NSMAF: variants seen among roughly 807,000 people sequenced by gnomAD.
NSMAF encodes the protein protein FAN.
NSMAF carries 90 observed loss-of-function variants against 134.9 expected under a neutral mutation model. That is an observed-to-expected ratio of 0.67 (90% CI 0.56 to 0.79). The LOEUF is 0.79. Ranked by LOEUF, NSMAF falls within the 30% of genes least tolerant of loss-of-function variation. The pLI is 0.00. For synonymous variants in NSMAF, 358 were observed against 389.6 expected (o/e 0.92, Z 0.96); for missense variants, 1,010 against 1,119.0 (o/e 0.90, Z 1.39).
At chr8:58,658,736 C>CTA (rs1176471371) in intron 1 of NSMAF, among the ~76,000 whole-genome samples, 6 of 152,176 alleles carry the variant, frequency 3.9e-5, no homozygotes, top group Non-Finnish European at 7.3e-5. Flanking sequence ...GCCCTGGGAA[C>CTA]TATACATAGA....
Position 58,589,572 on chromosome 8 carries a change from A to T in NSMAF, c.2091T>A (p.Tyr697Ter), listed in dbSNP as rs1805978276. The change falls in exon 26 of 31, where the codon TAT becomes TAA. Residue 697 changes from tyrosine (Y) to a stop codon, truncating the protein, a stop_gained. Coordinates refer to ENST00000038176, the MANE Select transcript of NSMAF (RefSeq NM_003580.4). LOFTEE classifies it high-confidence loss of function. ...GTCTTCCAAATGCTATGGAATAAAA[A>T]TAGCTAAAAGATAATGAGAAGCATT... ...VITSSWDNNV[Y>*]FYSIAFGRRQ... is the part of the protein sequence containing the mutation. The T allele has an allele frequency of 6.4e-7, 1 of 1,566,790 alleles. No homozygotes were observed. Among genetic ancestry groups the T allele is most frequent in the Non-Finnish European group, 8.6e-7 (1 of 1,166,542 alleles).
chr8:58,602,562 G>A (rs1806308808), intron 13 of NSMAF, among the ~76,000 whole-genome samples: 2 of 151,968 alleles, frequency 1.3e-5, no homozygotes, highest in African/African-American at 4.8e-5. Context: ...TATTTTCAGA[G>A]AAATACTTTA....
chr8:58,658,619 T>C (rs754908683), intron 1 of NSMAF, among the ~76,000 whole-genome samples: 6 of 152,210 alleles, frequency 3.9e-5, no homozygotes, highest in Non-Finnish European at 7.3e-5. Context: ...CACTGGAAGA[T>C]CTGTGGCTCT....
chr8:58,617,323 A>G (rs1282770869), intron 9 of NSMAF, among the ~76,000 whole-genome samples: 1 of 152,238 alleles, frequency 6.6e-6, no homozygotes, highest in African/African-American at 2.4e-5. Context: ...ATCTAATTAA[A>G]CTAAAGAACT....
At chr8:58,595,041 A>T (rs1229976832) in intron 22 of NSMAF, among the ~76,000 whole-genome samples, 1 of 152,214 alleles carries the variant, frequency 6.6e-6, no homozygotes, top group African/African-American at 2.4e-5. Flanking sequence ...TGAAGGTCTT[A>T]ATGAGAGAGG....
intron 9 of NSMAF, among the ~76,000 whole-genome samples, chr8:58,613,204 CA>C (rs1806569375): frequency 6.6e-6 from 1 of 151,962 alleles, no homozygotes; most frequent in South Asian, 2.1e-4. Context: ...AATTTCTATG[CA>C]AACACATATA....
At chr8:58,601,966 C>T in intron 14 of NSMAF, 92 bp downstream of exon 14, 1 of 985,392 alleles carries the variant, frequency 1.0e-6, no homozygotes, top group South Asian at 1.5e-5. Flanking sequence ...TATAATTCCC[C>T]TAAGCCTTGG....
intron 1 of NSMAF, among the ~76,000 whole-genome samples, chr8:58,654,131 G>C (rs897495015): frequency 6.6e-6 from 1 of 152,178 alleles, no homozygotes; most frequent in African/African-American, 2.4e-5. Flanking sequence ...TATCTCCACT[G>C]ATCTCCAGTT....
rs185477598 is a variant in NSMAF at position 58,632,481 on chromosome 8, T to C, written c.334-935A>G. On this transcript the variant is annotated intron_variant, in intron 5 of 30. Coordinates refer to ENST00000038176, the MANE Select transcript of NSMAF (RefSeq NM_003580.4). Reference sequence around the variant, plus strand: ...CAGAGCATGTGACAGAGCTGATGGCTCTTCCTGAAGCAGTTTTCCACATGG... The same window carrying C: ...CAGAGCATGTGACAGAGCTGATGGCCCTTCCTGAAGCAGTTTTCCACATGG... Among the ~76,000 whole-genome samples the C allele has an allele frequency of 2.7e-3, 415 of 152,308 alleles. 3 individuals carry two copies. The highest frequency in any genetic ancestry group is 0.014 in the South Asian group (69 of 4,828).
chr8:58,658,450 C>A (rs371268589), intron 1 of NSMAF, among the ~76,000 whole-genome samples: 7 of 152,284 alleles, frequency 4.6e-5, no homozygotes, highest in Non-Finnish European at 8.8e-5. Context: ...ACTGGTTAGA[C>A]CAACATTACA....
At chr8:58,586,417 AT>A (rs780839527) in intron 28 of NSMAF, 40 bp downstream of exon 28, 1 of 1,540,344 alleles carries the variant, frequency 6.5e-7, no homozygotes, top group South Asian at 1.2e-5. Context: ...CAAAATTCCA[AT>A]TTACCTAGTA....
At chr8:58,598,853 A>G (rs1371053194) in intron 19 of NSMAF, among the ~76,000 whole-genome samples, 2 of 143,090 alleles carry the variant, frequency 1.4e-5, no homozygotes, top group Non-Finnish European at 3.0e-5. Flanking sequence ...TGAAACCGTC[A>G]CGACCAAAAA....
chr8:58,595,813 C>A, intron 21 of NSMAF, 154 bp from the exon 22 acceptor site: 1 of 573,784 alleles, frequency 1.7e-6, no homozygotes, highest in South Asian at 2.2e-5. Context: ...TTAGATGGTT[C>A]CACGTTAGTC....
At chr8:58,586,864 A>C (rs1718404721) in intron 27 of NSMAF, among the ~76,000 whole-genome samples, 1 of 152,252 alleles carries the variant, frequency 6.6e-6, no homozygotes, top group South Asian at 2.1e-4. Context: ...ATGCTGTTTT[A>C]AAATAGCTTA....
rs766594598 is a variant in NSMAF, at chr8:58,605,936, T to C, written c.859A>G (p.Thr287Ala). ...DRDDLYFYIA[T>A]YLEHHVAEHT... ...AGGGTGAGCGCCAAACCTAGGTATG[T>C]GGCAATGTAAAAATAGAGATCATCT... The change falls in exon 12 of 31, where the codon ACA (threonine) becomes GCA (alanine). Residue 287 changes from threonine to alanine, a missense_variant. Physicochemically the swap from Thr to Ala is moderately conservative, Grantham distance 58 (BLOSUM62 0). Transcript: ENST00000038176. 6.4e-7 allele frequency: 1 copy of C among 1,572,814 alleles called. No individual in the cohort carries two copies. The highest frequency in any genetic ancestry group is 1.4e-5 in the African/African-American group (1 of 72,120).
chr8:58,610,560 A>C (rs939370348), intron 9 of NSMAF, among the ~76,000 whole-genome samples: 2 of 152,232 alleles, frequency 1.3e-5, no homozygotes, highest in Admixed American at 1.3e-4. Context: ...AACCGACTGG[A>C]ATGTTGAGCA....
chr8:58,634,827 T>C (rs1450759728), intron 5 of NSMAF, among the ~76,000 whole-genome samples: 1 of 152,182 alleles, frequency 6.6e-6, no homozygotes, highest in Non-Finnish European at 1.5e-5. Flanking sequence ...TCCCAAGTCA[T>C]TGCCTTGGTT....
At chr8:58,591,888 C>T (rs763024011) in intron 23 of NSMAF, among the ~76,000 whole-genome samples, 10 of 152,184 alleles carry the variant, frequency 6.6e-5, no homozygotes, top group Non-Finnish European at 1.5e-4. Flanking sequence ...TTCTAACTTA[C>T]ACAACGTGAT....
chr8:58,590,067 G>A lies in NSMAF; in HGVS notation c.2027C>T (p.Ser676Leu), dbSNP rs761142863. 1.1e-5 allele frequency: 18 copies of A among 1,612,450 alleles called. No individual in the cohort carries two copies. In the East Asian group the frequency reaches 2.0e-4, roughly 18 times the overall value. The change falls in exon 25 of 31, where the codon TCG (serine) becomes TTG (leucine). Residue 676 changes from serine to leucine, a missense_variant. Ser to Leu is a moderately radical substitution (Grantham distance 145). Coordinates refer to ENST00000038176, the MANE Select transcript of NSMAF (RefSeq NM_003580.4). Reference sequence around the variant, plus strand: ...ATCTCCTGGTAAAAGTAAACAAGACGATAAAGCCTGAAATACAAATGATTT... The same window carrying A: ...ATCTCCTGGTAAAAGTAAACAAGACAATAAAGCCTGAAATACAAATGATTT... ...RSISFSNMAL[S>L]SCLLLPGDAT...
Sources: gnomAD v4.1 joint callset for allele counts (sites outside exome capture counted in the v4.1 genomes callset) on GRCh38, gnomAD v4.1.1 for gene constraint, MANE v1.5 for transcripts, NCBI Gene and HGNC (gene_info 2026-07-23, HGNC 2026-07-21) for gene names.